MED14: variants seen among roughly 807,000 people sequenced by gnomAD.
MED14 encodes the protein mediator of RNA polymerase II transcription subunit 14.
MED14 carries 8 observed loss-of-function variants against 109.0 expected under a neutral mutation model. That is an observed-to-expected ratio of 0.07 (90% confidence interval 0.04 to 0.13). The LOEUF is 0.13. Ranked by LOEUF, MED14 falls within the 10% of genes least tolerant of loss-of-function variation. MED14 has a pLI of 1.00. For missense variants in MED14, 711 were observed against 1,142.4 expected (o/e 0.62, Z 5.44); for synonymous variants, 399 against 408.7 (o/e 0.98, Z 0.29).
At chrX:40,703,828 AG>A (rs1931040462) in intron 10 of MED14, among the ~76,000 whole-genome samples, 1 of 112,621 alleles carries the variant, frequency 8.9e-6, no homozygotes, top group Non-Finnish European at 1.9e-5. Context: ...TTTCTTAAAG[AG>A]GGTTGAAATA....
chrX:40,649,703 T>G lies in MED14; in HGVS notation c.*2103A>C, dbSNP rs764551149. 9 of 897,928 alleles carry G rather than the reference T, an allele frequency of 1.0e-5. No homozygotes were observed. The highest frequency in any genetic ancestry group is 2.8e-6 in the Non-Finnish European group (2 of 720,939). The allele number at this position is 897,928 out of a possible 1,213,427, so 74.0% of individuals were successfully genotyped here. On this transcript the variant is annotated 3_prime_UTR_variant, in exon 31 of 31. Coordinates refer to ENST00000324817, the MANE Select transcript of MED14 (RefSeq NM_004229.4). ...TAACAAAAGAGGCAAAAGACATGAT[T>G]TGTGATGAAACTTACTATTCAAATG...
intron 3 of MED14, among the ~76,000 whole-genome samples, chrX:40,722,736 A>G (rs902003784): frequency 1.2e-4 from 13 of 111,761 alleles, no homozygotes; most frequent in Admixed American, 7.6e-4. Flanking sequence ...AAAGAAACAA[A>G]TAACATACAA....
At chrX:40,728,570 G>A (rs1202046121) in intron 2 of MED14, among the ~76,000 whole-genome samples, 1 of 110,293 alleles carries the variant, frequency 9.1e-6, no homozygotes, top group Non-Finnish European at 1.9e-5. Flanking sequence ...CATAAGTAGT[G>A]CCAAAGATAC....
chrX:40,672,020 GC>G (rs1287029682), intron 22 of MED14, 48 bp from the exon 23 acceptor site: 1 of 755,532 alleles, frequency 1.3e-6, no homozygotes, highest in Middle Eastern at 3.0e-4. Context: ...ACCGCACGGA[GC>G]ATAAGAGTGT....
intron 28 of MED14, among the ~76,000 whole-genome samples, chrX:40,655,383 C>A (rs7052992): frequency 0.012 from 1,370 of 111,152 alleles, 21 homozygotes; most frequent in African/African-American, 0.042. Context: ...GGCTTTATTA[C>A]TTCTCCTGTG....
chrX:40,717,615 C>T (rs945790631), intron 3 of MED14, among the ~76,000 whole-genome samples: 5 of 111,299 alleles, frequency 4.5e-5, no homozygotes, highest in African/African-American at 1.3e-4. Flanking sequence ...CTCCACCTCC[C>T]GGGTTCAAGC....
chrX:40,701,143 T>G, intron 12 of MED14, 22 bp downstream of exon 12: 22 of 1,108,692 alleles, frequency 2.0e-5, no homozygotes, highest in Non-Finnish European at 2.7e-5. Flanking sequence ...TTTTTAGTCT[T>G]GAGCTATATA....
At chrX:40,721,073 G>A (rs1430965839) in intron 3 of MED14, among the ~76,000 whole-genome samples, 1 of 111,493 alleles carries the variant, frequency 9.0e-6, no homozygotes, top group Non-Finnish European at 1.9e-5. Flanking sequence ...CCGAGCTGTG[G>A]TGGCTATGGT....
intron 10 of MED14, 39 bp from the exon 11 acceptor site, chrX:40,703,608 AT>A: frequency 2.0e-6 from 2 of 1,023,456 alleles, no homozygotes; most frequent in Non-Finnish European, 2.6e-6. Context: ...TTCTATCTGA[AT>A]ATTTTCCAGA....
At chrX:40,690,417 GT>G (rs1001260027) in intron 15 of MED14, among the ~76,000 whole-genome samples, 3 of 110,563 alleles carry the variant, frequency 2.7e-5, no homozygotes, top group African/African-American at 9.9e-5. Flanking sequence ...CCACTGCCTG[GT>G]TTTTTTGTTT....
chrX:40,650,827 TA>T lies in MED14; in HGVS notation c.*978del. 1.5e-5 allele frequency: 11 copies of T among 753,673 alleles called. No individual in the cohort carries two copies. The highest frequency in any genetic ancestry group is 1.7e-5 in the Non-Finnish European group (11 of 638,686). 62.1% of individuals were successfully genotyped at this position (753,673 alleles called of 1,213,427 possible). On this transcript the variant is annotated 3_prime_UTR_variant, in exon 31 of 31. Transcript: ENST00000324817. ...GGAAAGGAGGATAAGTTAAGCAAGA[TA>T]AAGAAAGCTCACAGAAACTTCATGC...
chrX:40,686,958 T>C (rs1930316311), intron 16 of MED14, among the ~76,000 whole-genome samples: 1 of 82,683 alleles, frequency 1.2e-5, no homozygotes, highest in South Asian at 4.6e-4. Context: ...TCGTCCTTTG[T>C]CCATTAGAAC....
At chrX:40,668,072 G>A (rs1376871852) in intron 23 of MED14, among the ~76,000 whole-genome samples, 2 of 111,337 alleles carry the variant, frequency 1.8e-5, no homozygotes, top group Admixed American at 9.5e-5. Flanking sequence ...AAATGATGCC[G>A]AATAGACAGC....
intron 12 of MED14, among the ~76,000 whole-genome samples, chrX:40,700,861 T>TA (rs963273440): frequency 7.1e-5 from 8 of 112,037 alleles, no homozygotes; most frequent in African/African-American, 2.6e-4. Context: ...GAACACTTGA[T>TA]ACAATAAAAT....
intron 24 of MED14, 139 bp downstream of exon 24, chrX:40,666,581 G>T: frequency 1.6e-6 from 1 of 644,058 alleles, no homozygotes; most frequent in South Asian, 2.7e-5. Flanking sequence ...AGATAAATTT[G>T]ATTTTCTTTT....
At position 40,649,296 on chromosome X, in the gene MED14, TAACTC is replaced by T. The variant is rs1436196802; in HGVS notation, c.*2505_*2509del. 15 of 138,540 alleles carry T rather than the reference TAACTC, an allele frequency of 1.1e-4. No individual in the cohort carries two copies. The South Asian group carries it at 1.3e-3, about 12-fold the overall frequency. 11.4% of individuals were successfully genotyped at this position (138,540 alleles called of 1,213,427 possible). On this transcript the variant is annotated 3_prime_UTR_variant, in exon 31 of 31. Transcript: ENST00000324817. Reference sequence around the variant, plus strand: ...ATAAATTTTAGTTTATGCTTGCACTTAACTCACTCAGTTAATTTTCAAACATAAGG... The same window carrying T: ...ATAAATTTTAGTTTATGCTTGCACTTACTCAGTTAATTTTCAAACATAAGG...
intron 1 of MED14, among the ~76,000 whole-genome samples, chrX:40,731,613 C>T (rs1485968610): frequency 8.9e-6 from 1 of 112,244 alleles, no homozygotes; most frequent in Non-Finnish European, 1.9e-5. Context: ...ATGCATTAAG[C>T]ATGTACAGTT....
chrX:40,685,564 A>T (rs1930263602), intron 16 of MED14, among the ~76,000 whole-genome samples: 1 of 112,341 alleles, frequency 8.9e-6, no homozygotes, highest in African/African-American at 3.2e-5. Context: ...GAGGACCTTT[A>T]CTACTGCACA....
At chrX:40,721,008 T>C (rs966280578) in intron 3 of MED14, among the ~76,000 whole-genome samples, 1 of 111,122 alleles carries the variant, frequency 9.0e-6, no homozygotes, top group Non-Finnish European at 1.9e-5. Flanking sequence ...CCAGGTAGTA[T>C]GCCGTGGACC....
Sources: allele counts gnomAD v4.1 joint callset (sites outside exome capture counted in the v4.1 genomes callset), GRCh38; gene constraint gnomAD v4.1.1; transcripts MANE v1.5; gene names NCBI Gene and HGNC (gene_info 2026-07-23, HGNC 2026-07-21).